The following AOAH variants were observed in gnomAD, a reference collection of about 807,000 sequenced individuals.
AOAH encodes the protein acyloxyacyl hydrolase, also known as acyloxyacyl hydrolase (neutrophil).
AOAH carries 64 observed loss-of-function variants against 92.2 expected under a neutral mutation model. That is an observed-to-expected ratio of 0.69 (90% CI 0.57 to 0.86). The LOEUF (loss-of-function observed/expected upper bound fraction) is 0.86, where lower values mean the gene tolerates loss of function less well. Ranked by LOEUF, AOAH falls within the 40% of genes least tolerant of loss-of-function variation. AOAH has a pLI of 0.00. For synonymous variants in AOAH, 263 were observed against 254.5 expected (o/e 1.03, Z -0.32); for missense variants, 656 against 694.6 (o/e 0.94, Z 0.62).
chr7:36,629,079 T>C (rs1330415744), intron 6 of AOAH, among the ~76,000 whole-genome samples: 3 of 152,246 alleles, frequency 2.0e-5, no homozygotes, highest in African/African-American at 2.4e-5. Flanking sequence ...TACTTATCAA[T>C]ATTTTTACTG....
chr7:36,608,435 G>A (rs140071611), intron 11 of AOAH, among the ~76,000 whole-genome samples: 144 of 152,372 alleles, frequency 9.5e-4, no homozygotes, highest in Middle Eastern at 3.4e-3. Context: ...AATATTGGTG[G>A]TGGGAAGGTG....
intron 16 of AOAH, among the ~76,000 whole-genome samples, chr7:36,535,252 A>C (rs1228205895): frequency 6.6e-6 from 1 of 152,008 alleles, no homozygotes. Context: ...CTGAAGATCA[A>C]AGGTGTGTTC....
chr7:36,541,642 C>T (rs1344886593), intron 15 of AOAH, among the ~76,000 whole-genome samples: 1 of 152,186 alleles, frequency 6.6e-6, no homozygotes, highest in African/African-American at 2.4e-5. Context: ...CAAACCTCAG[C>T]GTCGTACAAT....
At chr7:36,701,554 T>C (rs1257652082) in intron 1 of AOAH, among the ~76,000 whole-genome samples, 1 of 151,452 alleles carries the variant, frequency 6.6e-6, no homozygotes, top group Non-Finnish European at 1.5e-5. Context: ...AATATACCTT[T>C]TTGTTTTGGG....
intron 3 of AOAH, 111 bp from the exon 4 acceptor site, chr7:36,659,376 T>C: frequency 1.2e-6 from 1 of 857,948 alleles, no homozygotes; most frequent in Non-Finnish European, 1.9e-6. Flanking sequence ...TACCCTCAAC[T>C]CCTTGCAGAG....
chr7:36,683,940 G>A (rs1379928050), intron 2 of AOAH, among the ~76,000 whole-genome samples: 3 of 151,842 alleles, frequency 2.0e-5, no homozygotes, highest in African/African-American at 7.3e-5. Context: ...GTTGCAGTGA[G>A]CCAAGATGGA....
intron 11 of AOAH, among the ~76,000 whole-genome samples, chr7:36,605,208 C>T (rs1465468127): frequency 6.6e-6 from 1 of 152,176 alleles, no homozygotes; most frequent in Non-Finnish European, 1.5e-5. Flanking sequence ...TCTCTGCCTA[C>T]TCCCACTCCT....
rs187881847 is a variant in AOAH at position 36,557,378 on chromosome 7, T to G, written c.1022-7903A>C. Among the ~76,000 whole-genome samples the G allele has an allele frequency of 3.9e-5, 6 of 152,382 alleles. No individual in the cohort carries two copies. In the East Asian group the frequency reaches 1.2e-3, roughly 29 times the overall value. ...AGCTGTTAGTCTGATGTGCTTCTCT[T>G]TGTGGGTAACCCGACCTTTCTCTCT... On this transcript the variant is annotated intron_variant, in intron 13 of 20. Transcript: ENST00000617537.
At chr7:36,719,488 T>C (rs1003938251) in intron 1 of AOAH, among the ~76,000 whole-genome samples, 2 of 152,148 alleles carry the variant, frequency 1.3e-5, no homozygotes, top group African/African-American at 4.8e-5. Context: ...TGAAGAAAAA[T>C]AGGAAGGAAG....
intron 11 of AOAH, among the ~76,000 whole-genome samples, chr7:36,604,991 CTT>C (rs1790898857): frequency 6.6e-6 from 1 of 152,216 alleles, no homozygotes; most frequent in African/African-American, 2.4e-5. Context: ...CCTCTGGAAT[CTT>C]TGGACTTTGT....
At position 36,694,724 on chromosome 7, in the gene AOAH, G is replaced by A. The variant is rs79902526; in HGVS notation, c.128-7930C>T. Among the ~76,000 whole-genome samples, 83 of 152,138 alleles carry A rather than the reference G, an allele frequency of 5.5e-4. 1 individual carries two copies. The highest frequency in any genetic ancestry group is 1.7e-3 in the African/African-American group (70 of 41,510). ...TTATTATTAAAGAAATTAATCAATC[G>A]ATTTTTTCTTTCAGAAGAATGTAAC... On this transcript the variant is annotated intron_variant, in intron 1 of 20. Coordinates refer to ENST00000617537, the MANE Select transcript of AOAH (RefSeq NM_001637.4).
chr7:36,523,473 A>G (rs1156883675), intron 19 of AOAH, among the ~76,000 whole-genome samples: 3 of 152,152 alleles, frequency 2.0e-5, no homozygotes, highest in African/African-American at 4.8e-5. Flanking sequence ...CGATGCTTAA[A>G]CAGCACTCAC....
chr7:36,686,752 A>G lies in AOAH; in HGVS notation c.170T>C (p.Val57Ala). ...VVSVIEQLAQ[V>A]HNSTVQASME... ...CGAGGCCTGGACCGTCGAGTTGTGA[A>G]CTTGAGCAAGCTGTTCTATTACAGA... The change falls in exon 2 of 21, where the codon GTT (valine) becomes GCT (alanine). Residue 57 changes from valine (V) to alanine (A), a missense_variant. Val to Ala is a moderately conservative substitution (Grantham distance 64, BLOSUM62 0). Transcript: ENST00000617537. 1 of 1,581,660 alleles carries G rather than the reference A, an allele frequency of 6.3e-7. No homozygotes were observed. Among genetic ancestry groups the G allele is most frequent in the Non-Finnish European group, 8.6e-7 (1 of 1,163,748 alleles).
intron 16 of AOAH, among the ~76,000 whole-genome samples, chr7:36,533,698 TG>T (rs1784836932): frequency 7.3e-6 from 1 of 137,262 alleles, no homozygotes; most frequent in Non-Finnish European, 1.6e-5. Flanking sequence ...TGTGTGTGTG[TG>T]TTTGTGTGTG....
intron 1 of AOAH, among the ~76,000 whole-genome samples, chr7:36,691,165 A>G (rs1453614726): frequency 6.6e-6 from 1 of 152,144 alleles, no homozygotes; most frequent in East Asian, 1.9e-4. Context: ...TTTTGCATAT[A>G]TTATTATCTC....
intron 11 of AOAH, among the ~76,000 whole-genome samples, chr7:36,605,622 T>C (rs1472507475): frequency 1.3e-5 from 2 of 152,222 alleles, no homozygotes; most frequent in East Asian, 3.8e-4. Context: ...AATTTCCTCT[T>C]GTAGTTTTCA....
At chr7:36,608,474 C>T (rs935889494) in intron 11 of AOAH, among the ~76,000 whole-genome samples, 4 of 152,184 alleles carry the variant, frequency 2.6e-5, no homozygotes, top group African/African-American at 9.7e-5. Flanking sequence ...TGTCTCAGGC[C>T]TTAGCTAAAA....
At position 36,526,427 on chromosome 7, in the gene AOAH, T is replaced by C. The variant is rs1784400228; in HGVS notation, c.1522+3991A>G. On this transcript the variant is annotated intron_variant, in intron 19 of 20. Transcript: ENST00000617537. ...CAATGTCAAAGGGAAGATCCTTTTT[T>C]TGTTTATCTCAGGATGAAATTCTGC... Among the ~76,000 whole-genome samples, 4 of 152,346 alleles carry C rather than the reference T, an allele frequency of 2.6e-5. No individual in the cohort carries two copies. In the South Asian group the frequency reaches 8.3e-4, roughly 32 times the overall value.
At chr7:36,666,410 A>G (rs117705242) in intron 3 of AOAH, among the ~76,000 whole-genome samples, 2,267 of 152,126 alleles carry the variant, frequency 0.015, 25 homozygotes, top group Non-Finnish European at 0.024. Context: ...TTCAGTTCTG[A>G]TATCAGTAGT....
Sources: allele counts gnomAD v4.1 joint callset (sites outside exome capture counted in the v4.1 genomes callset), GRCh38; gene constraint gnomAD v4.1.1; transcripts MANE v1.5; gene names NCBI Gene and HGNC (gene_info 2026-07-23, HGNC 2026-07-21).